Variants in NCKAP5 observed in about 807,000 individuals in gnomAD.
The protein encoded by NCKAP5 is NCK associated protein 5, also known as nck-associated protein 5.
A neutral mutation model predicts 167.0 loss-of-function variants in NCKAP5; 92 were observed. The ratio of observed to expected loss-of-function variants is 0.55; its 90% confidence interval spans 0.47 to 0.66. The LOEUF (loss-of-function observed/expected upper bound fraction) is 0.66. NCKAP5 is among the 30% of genes least tolerant of loss of function. The pLI is 0.00. For missense variants in NCKAP5, 2,378 were observed against 2,315.0 expected (o/e 1.03, Z -0.56); for synonymous variants, 891 against 877.4 (o/e 1.02, Z -0.27).
At chr2:133,157,825 A>T (rs1239796781) in intron 5 of NCKAP5, among the ~76,000 whole-genome samples, 1 of 152,170 alleles carries the variant, frequency 6.6e-6, no homozygotes, top group Admixed American at 6.5e-5. Flanking sequence ...TGCTTGCTCA[A>T]ATTAATGTTT....
intron 3 of NCKAP5, among the ~76,000 whole-genome samples, chr2:133,481,638 T>C (rs2151315669): frequency 6.6e-6 from 1 of 152,270 alleles, no homozygotes; most frequent in Non-Finnish European, 1.5e-5. Context: ...TTTGCGTCCA[T>C]GTGTTCTCAT....
intron 3 of NCKAP5, among the ~76,000 whole-genome samples, chr2:133,470,020 C>T (rs979664183): frequency 6.6e-6 from 1 of 152,180 alleles, no homozygotes; most frequent in African/African-American, 2.4e-5. Flanking sequence ...TCAACAAAGT[C>T]ATTCTCCATC....
chr2:132,828,383 T>C (rs754870707), intron 11 of NCKAP5, among the ~76,000 whole-genome samples: 9 of 152,130 alleles, frequency 5.9e-5, no homozygotes, highest in African/African-American at 9.7e-5. Flanking sequence ...GCTGTTCTCA[T>C]GATAGTGAGT....
At chr2:133,178,969 C>A (rs1349476667) in intron 5 of NCKAP5, among the ~76,000 whole-genome samples, 1 of 151,858 alleles carries the variant, frequency 6.6e-6, no homozygotes, top group Non-Finnish European at 1.5e-5. Context: ...AATTCAAAAC[C>A]AGCCTGCGTA....
At chr2:133,168,160 G>A (rs1354534347) in intron 5 of NCKAP5, among the ~76,000 whole-genome samples, 1 of 152,116 alleles carries the variant, frequency 6.6e-6, no homozygotes, top group Non-Finnish European at 1.5e-5. Context: ...TGCCAGAGCT[G>A]GGATTCCAAC....
chr2:132,944,782 A>T (rs1241635802), intron 8 of NCKAP5, among the ~76,000 whole-genome samples: 1 of 152,226 alleles, frequency 6.6e-6, no homozygotes, highest in Non-Finnish European at 1.5e-5. Flanking sequence ...TATATAAATA[A>T]GAGAAAATGA....
At chr2:132,830,446 A>G (rs1221775013) in intron 11 of NCKAP5, among the ~76,000 whole-genome samples, 1 of 151,956 alleles carries the variant, frequency 6.6e-6, no homozygotes, top group Non-Finnish European at 1.5e-5. Context: ...GTGCTGAGAG[A>G]AAGTCAGGAG....
chr2:133,272,979 T>A (rs2089583684), intron 4 of NCKAP5, among the ~76,000 whole-genome samples: 1 of 152,226 alleles, frequency 6.6e-6, no homozygotes, highest in African/African-American at 2.4e-5. Flanking sequence ...TTGTTTCTGT[T>A]CTTTAGCTAT....
At position 132,878,894 on chromosome 2, in the gene NCKAP5, A is replaced by G; in HGVS notation, c.602T>C (p.Leu201Ser). 6.2e-7 allele frequency: 1 copy of G among 1,613,732 alleles called. No homozygotes were observed. Among genetic ancestry groups the G allele is most frequent in the Non-Finnish European group, 8.5e-7 (1 of 1,179,640 alleles). The change falls in exon 9 of 20, where the codon TTG (leucine) becomes TCG (serine). Residue 201 changes from leucine to serine, a missense_variant. By Grantham distance (145) the Leu-to-Ser change is moderately radical. Around this residue, in one of 3 missense-constraint regions of NCKAP5, gnomAD observed 1,049 missense variants for 1,023.4 expected, o/e 1.02. Transcript: ENST00000409261. ...ALEAENSALA[L>S]ENENQREQYE... ...TTGTTCCCTTTGATTTTCATTCTCC[A>G]AAGCCAACGCTGAATTCTCTGCCTG...
intron 8 of NCKAP5, among the ~76,000 whole-genome samples, chr2:132,895,317 T>C (rs1307488166): frequency 7.1e-6 from 1 of 140,882 alleles, no homozygotes; most frequent in African/African-American, 2.8e-5. Flanking sequence ...GAGACTGGAG[T>C]CTTTGAGACT....
chr2:133,614,629 C>T, the NCKAP5 span, among the ~76,000 whole-genome samples: 1 of 152,256 alleles, frequency 6.6e-6, no homozygotes, highest in East Asian at 1.9e-4. Flanking sequence ...AACAAAGCCT[C>T]CAAGAAATAT....
chr2:133,479,248 T>C (rs1347431211), intron 3 of NCKAP5, among the ~76,000 whole-genome samples: 4 of 152,230 alleles, frequency 2.6e-5, no homozygotes, highest in African/African-American at 9.6e-5. Flanking sequence ...TTAATAATTA[T>C]TATGTGCCTA....
At chr2:132,946,472 C>T (rs536425620) in intron 8 of NCKAP5, among the ~76,000 whole-genome samples, 4 of 152,142 alleles carry the variant, frequency 2.6e-5, no homozygotes, top group South Asian at 2.1e-4. Flanking sequence ...TTTCTAATAG[C>T]GTTGACTATA....
intron 3 of NCKAP5, among the ~76,000 whole-genome samples, chr2:133,462,924 G>C (rs1259627584): frequency 6.6e-6 from 1 of 152,030 alleles, no homozygotes; most frequent in Non-Finnish European, 1.5e-5. Context: ...TCTCATTATT[G>C]GTTTCACCTG....
At chr2:132,957,139 T>G (rs999142188) in intron 8 of NCKAP5, among the ~76,000 whole-genome samples, 2 of 152,186 alleles carry the variant, frequency 1.3e-5, no homozygotes, top group Non-Finnish European at 2.9e-5. Context: ...CTTGAATGCT[T>G]AATAGGCATC....
At chr2:132,950,640 G>A (rs1249469241) in intron 8 of NCKAP5, among the ~76,000 whole-genome samples, 1 of 152,186 alleles carries the variant, frequency 6.6e-6, no homozygotes, top group African/African-American at 2.4e-5. Context: ...ACTGCAGGGA[G>A]ATTTTTTGGT....
chr2:133,406,648 AAG>A (rs148743153), intron 3 of NCKAP5, among the ~76,000 whole-genome samples: 58 of 152,190 alleles, frequency 3.8e-4, no homozygotes, highest in Non-Finnish European at 7.6e-4. Context: ...AGTTAGGAAA[AAG>A]AGTTTAATAA....
intron 19 of NCKAP5, among the ~76,000 whole-genome samples, chr2:132,683,838 C>A (rs1007855592): frequency 5.9e-5 from 9 of 152,242 alleles, no homozygotes; most frequent in Non-Finnish European, 8.8e-5. Flanking sequence ...AAACATCATG[C>A]TGATGACATT....
intron 8 of NCKAP5, among the ~76,000 whole-genome samples, chr2:132,962,834 G>A (rs1049263682): frequency 1.3e-5 from 2 of 151,998 alleles, no homozygotes; most frequent in South Asian, 2.1e-4. Context: ...CTCGTGATCC[G>A]CCTGCCTCGG....
Sources: gnomAD v4.1 joint callset for allele counts (sites outside exome capture counted in the v4.1 genomes callset) on GRCh38, gnomAD v4.1.1 for gene constraint, gnomAD v4.1.1 regional missense constraint, MANE v1.5 for transcripts, NCBI Gene and HGNC (gene_info 2026-07-23, HGNC 2026-07-21) for gene names.